The following NRG4 variants were observed in gnomAD, a reference collection of about 807,000 sequenced individuals.
NRG4 encodes the protein neuregulin 4.
NRG4 carries 10 observed loss-of-function variants against 15.0 expected under a neutral mutation model. That is an observed-to-expected ratio of 0.67 (90% CI 0.41 to 1.13). The LOEUF (loss-of-function observed/expected upper bound fraction) is 1.13. Ranked by LOEUF, NRG4 falls within the 50% of genes most tolerant of loss-of-function variation. The pLI is 0.00. For missense variants in NRG4, 139 were observed against 140.2 expected (o/e 0.99, Z 0.04); for synonymous variants, 41 against 50.1 (o/e 0.82, Z 0.77).
intron 2 of NRG4, among the ~76,000 whole-genome samples, chr15:76,010,739 T>C (rs768205867): frequency 1.3e-5 from 2 of 152,088 alleles, no homozygotes; most frequent in Non-Finnish European, 2.9e-5. Context: ...AAAATTAACA[T>C]TACATCAGCA....
intron 3 of NRG4, among the ~76,000 whole-genome samples, chr15:75,993,871 T>C (rs1240495713): frequency 1.3e-5 from 2 of 152,338 alleles, no homozygotes; most frequent in South Asian, 2.1e-4. Flanking sequence ...TTCTTATTTC[T>C]CTGCTGGGGT....
At chr15:76,007,598 T>C (rs2034654035) in intron 3 of NRG4, among the ~76,000 whole-genome samples, 1 of 151,792 alleles carries the variant, frequency 6.6e-6, no homozygotes, top group South Asian at 2.1e-4. Context: ...CCCAGCTAAT[T>C]TTTTGTATTT....
At chr15:76,002,720 T>C (rs2034457361) in intron 3 of NRG4, among the ~76,000 whole-genome samples, 1 of 152,034 alleles carries the variant, frequency 6.6e-6, no homozygotes, top group Non-Finnish European at 1.5e-5. Context: ...CAAGAAGTAA[T>C]ACTAAAGATA....
intron 2 of NRG4, 28 bp downstream of exon 2, chr15:76,011,192 CA>C: frequency 1.4e-6 from 2 of 1,391,550 alleles, no homozygotes; most frequent in Non-Finnish European, 1.9e-6. Flanking sequence ...CACATATTGA[CA>C]AAAACATATA....
At chr15:76,055,866 C>G (rs1028261421) in intron 2 of NRG4, among the ~76,000 whole-genome samples, 3 of 152,178 alleles carry the variant, frequency 2.0e-5, no homozygotes, top group African/African-American at 7.2e-5. Flanking sequence ...TTTAAATTCT[C>G]TACAGATAAT....
intron 3 of NRG4, among the ~76,000 whole-genome samples, chr15:75,967,340 A>G (rs1181023511): frequency 6.6e-6 from 1 of 152,134 alleles, no homozygotes; most frequent in Non-Finnish European, 1.5e-5. Flanking sequence ...CAATCTCACA[A>G]AATTTTTGTT....
rs1474238615 is a variant in NRG4 at position 75,977,979 on chromosome 15, G to C, written c.105-16005C>G. ...TCACAGGTGCCTGCCACCATGCCCA[G>C]CTAATTTTTGTATTTTTAGTAGAGA... On this transcript the variant is annotated intron_variant, in intron 3 of 5. Coordinates refer to ENST00000394907, the MANE Select transcript of NRG4 (RefSeq NM_138573.4). The surrounding 1 kb of genome is among the most constrained non-coding windows in gnomAD (Gnocchi z 4.9). Among the ~76,000 whole-genome samples, 1 of 151,966 alleles carries C rather than the reference G, an allele frequency of 6.6e-6. No individual in the cohort carries two copies. Among genetic ancestry groups the C allele is most frequent in the African/African-American group, 2.4e-5 (1 of 41,390 alleles).
chr15:76,028,113 T>G (rs972033596), intron 5 of NRG4, among the ~76,000 whole-genome samples: 4 of 149,282 alleles, frequency 2.7e-5, no homozygotes, highest in African/African-American at 9.9e-5. Flanking sequence ...CTCAAGGAAC[T>G]AAAAAAATAA....
chr15:75,956,658 C>T (rs190166223), intron 4 of NRG4, among the ~76,000 whole-genome samples: 2 of 152,142 alleles, frequency 1.3e-5, no homozygotes, highest in African/African-American at 2.4e-5. Context: ...CATACTTGCT[C>T]CTATTCCGGA....
chr15:76,047,206 C>G (rs1365459654), intron 4 of NRG4, among the ~76,000 whole-genome samples: 1 of 150,772 alleles, frequency 6.6e-6, no homozygotes, highest in Non-Finnish European at 1.5e-5. Flanking sequence ...CTATGCAGAA[C>G]AGTATGGCGG....
At chr15:75,985,811 A>C (rs1038567108) in intron 3 of NRG4, among the ~76,000 whole-genome samples, 2 of 141,532 alleles carry the variant, frequency 1.4e-5, no homozygotes, top group African/African-American at 2.4e-5. Context: ...AAAATAAAAA[A>C]TAAAACTTAA....
At chr15:75,995,197 CA>C (rs781740800) in intron 3 of NRG4, among the ~76,000 whole-genome samples, 97 of 139,704 alleles carry the variant, frequency 6.9e-4, no homozygotes, top group Admixed American at 6.5e-4. Flanking sequence ...GACCCTGTCT[CA>C]AAAAAAAAAA....
chr15:76,040,086 T>G (rs1177850660), intron 4 of NRG4, among the ~76,000 whole-genome samples: 1 of 151,428 alleles, frequency 6.6e-6, no homozygotes, highest in Non-Finnish European at 1.5e-5. Context: ...GCAAGCAGAT[T>G]TAACCCAAAG....
At chr15:75,985,502 T>C (rs2033767249) in intron 3 of NRG4, among the ~76,000 whole-genome samples, 1 of 152,180 alleles carries the variant, frequency 6.6e-6, no homozygotes, top group South Asian at 2.1e-4. Context: ...GCCTCGCATA[T>C]ACCAAAATTC....
chr15:75,942,318 G>GC lies in NRG4; in HGVS notation c.*1319dup, dbSNP rs2031074602. On this transcript the variant is annotated 3_prime_UTR_variant, in exon 6 of 6. Transcript: ENST00000394907. ...TCATGTAAATTACAGGCTTCAGCTA[G>GC]CCTGGATGACAGAGTGAGACTTTGT... 6.6e-6 allele frequency: 1 copy of GC among 152,074 alleles called. No individual in the cohort carries two copies. Among genetic ancestry groups the GC allele is most frequent in the South Asian group, 2.1e-4 (1 of 4,828 alleles). 9.4% of individuals were successfully genotyped at this position (152,074 alleles called of 1,614,324 possible).
At chr15:76,003,580 C>T (rs919330614) in intron 3 of NRG4, among the ~76,000 whole-genome samples, 2 of 151,802 alleles carry the variant, frequency 1.3e-5, no homozygotes, top group African/African-American at 2.4e-5. Context: ...TATAAATATC[C>T]AAAAAGGTTA....
intron 3 of NRG4, among the ~76,000 whole-genome samples, chr15:75,991,636 T>C (rs2141872506): frequency 6.6e-6 from 1 of 152,146 alleles, no homozygotes; most frequent in South Asian, 2.1e-4. Flanking sequence ...GAATTTTTTT[T>C]TTTTTTGGTC....
At chr15:76,018,497 C>A (rs537987349) in intron 5 of NRG4, among the ~76,000 whole-genome samples, 1 of 152,138 alleles carries the variant, frequency 6.6e-6, no homozygotes. Flanking sequence ...TTGTGACCTT[C>A]GGATGGGGTT....
chr15:75,941,940 CAAAAAAAA>C lies in NRG4; in HGVS notation c.*1690_*1697del, dbSNP rs780414439. ...TTGCCACAGTAAATTTTTAAACCAC[CAAAAAAAA>C]AAAAAAAAAAAAATATGGCCTAGCT... is the stretch of plus-strand genomic sequence containing the variant. On this transcript the variant is annotated 3_prime_UTR_variant, in exon 6 of 6. Transcript: ENST00000394907. 3 of 24,866 alleles carry C rather than the reference CAAAAAAAA, an allele frequency of 1.2e-4. No homozygotes were observed. Among genetic ancestry groups the C allele is most frequent in the Admixed American group, 6.9e-4 (1 of 1,450 alleles). The allele number at this position is 24,866 out of a possible 1,614,324, so 1.5% of individuals were successfully genotyped here.
Sources: allele counts gnomAD v4.1 joint callset (sites outside exome capture counted in the v4.1 genomes callset), GRCh38; gene constraint gnomAD v4.1.1; non-coding constraint Gnocchi (gnomAD v3.1); transcripts MANE v1.5; gene names NCBI Gene and HGNC (gene_info 2026-07-23, HGNC 2026-07-21).